The following SLC23A2 variants were observed in gnomAD, a reference collection of about 807,000 sequenced individuals.
SLC23A2 encodes Na(+)/L-ascorbic acid transporter 2.
A neutral mutation model predicts 73.3 loss-of-function variants in SLC23A2; 36 were observed. The ratio of observed to expected loss-of-function variants is 0.49; its 90% CI spans 0.38 to 0.65. The LOEUF (loss-of-function observed/expected upper bound fraction) is 0.65, where lower values mean the gene tolerates loss of function less well. SLC23A2 is among the 30% of genes least tolerant of loss of function. The pLI is 0.00. For synonymous variants in SLC23A2, 343 were observed against 327.3 expected (o/e 1.05, Z -0.52); for missense variants, 507 against 841.6 (o/e 0.60, Z 4.92).
chr20:4,999,620 T>C (rs1256276289), intron 1 of SLC23A2, among the ~76,000 whole-genome samples: 1 of 151,816 alleles, frequency 6.6e-6, no homozygotes, highest in East Asian at 1.9e-4. Context: ...CTTGAACTCT[T>C]GGCCTCAAAC....
Position 4,991,794 on chromosome 20 carries a change from A to G in SLC23A2, c.-282+9612T>C, listed in dbSNP as rs140078548. ...TAATCTATAGACCACATATTAGGAAAAATCTAGAGACACTGACTTTTTCTG... is the reference window on the plus strand; with the variant it reads ...TAATCTATAGACCACATATTAGGAAGAATCTAGAGACACTGACTTTTTCTG... On this transcript the variant is annotated intron_variant, in intron 1 of 16. Transcript: ENST00000338244. Among the ~76,000 whole-genome samples, 337 of 152,132 alleles carry G rather than the reference A, an allele frequency of 2.2e-3. 1 individual carries two copies. Among genetic ancestry groups the G allele is most frequent in the African/African-American group, 7.9e-3 (326 of 41,512 alleles).
intron 2 of SLC23A2, among the ~76,000 whole-genome samples, chr20:4,953,739 A>C (rs928274024): frequency 1.3e-5 from 2 of 152,096 alleles, no homozygotes; most frequent in Non-Finnish European, 2.9e-5. Context: ...AAATACAAAA[A>C]TTAGCTGAGT....
At chr20:4,951,051 AT>A (rs1007802794) in intron 2 of SLC23A2, among the ~76,000 whole-genome samples, 1 of 152,188 alleles carries the variant, frequency 6.6e-6, no homozygotes, top group African/African-American at 2.4e-5. Context: ...CACATGACAC[AT>A]CCAACCCATC....
intron 9 of SLC23A2, among the ~76,000 whole-genome samples, chr20:4,882,833 TGAAAA>T (rs1402916606): frequency 1.3e-5 from 2 of 152,148 alleles, no homozygotes; most frequent in Admixed American, 6.5e-5. Context: ...ACAGAGCAAA[TGAAAA>T]ATTCTCTTAT....
chr20:5,003,075 G>T (rs1034702637), upstream of SLC23A2, among the ~76,000 whole-genome samples: 1 of 152,180 alleles, frequency 6.6e-6, no homozygotes, highest in Non-Finnish European at 1.5e-5. Context: ...CCCCGTTGAA[G>T]ATGGAGAAAA....
intron 5 of SLC23A2, among the ~76,000 whole-genome samples, chr20:4,901,131 C>A (rs1931729045): frequency 6.6e-6 from 1 of 152,128 alleles, no homozygotes; most frequent in South Asian, 2.1e-4. Flanking sequence ...ATGCTCAGCC[C>A]AAGGTAGACT....
At chr20:4,890,932 G>T (rs1174779341) in intron 6 of SLC23A2, among the ~76,000 whole-genome samples, 4 of 152,204 alleles carry the variant, frequency 2.6e-5, no homozygotes, top group African/African-American at 4.8e-5. Flanking sequence ...TCTAACAAGT[G>T]TTTTCAGGGA....
intron 2 of SLC23A2, among the ~76,000 whole-genome samples, chr20:4,938,030 CT>C (rs372042944): frequency 0.079 from 10,910 of 138,134 alleles, 511 homozygotes; most frequent in African/African-American, 0.17. Flanking sequence ...CTCATTCCAT[CT>C]TTTTTTTTTT....
chr20:5,004,088 C>G (rs1300308216), upstream of SLC23A2, among the ~76,000 whole-genome samples: 1 of 152,050 alleles, frequency 6.6e-6, no homozygotes, highest in Non-Finnish European at 1.5e-5. Context: ...GCCATCTCCT[C>G]GTGGTTCCCA....
In SLC23A2 at chr20:4,857,283, T is replaced by TACACACACACAC. The variant is rs398035250; in HGVS notation, c.1721-91_1721-80dup. 85 of 421,160 alleles carry TACACACACACAC rather than the reference T, an allele frequency of 2.0e-4. No individual in the cohort carries two copies. Among genetic ancestry groups the TACACACACACAC allele is most frequent in the Admixed American group, 5.6e-4 (14 of 24,810 alleles). The allele number at this position is 421,160 out of a possible 1,614,324, so 26.1% of individuals were successfully genotyped here. ...GAAAATGAAACTGTCGTCAAACACA[T>TACACACACACAC]ACACACACACACACACACACACACA... On this transcript the variant is annotated intron_variant, in intron 16 of 16. Transcript: ENST00000338244. This position sits in a 1 kb window ranked among gnomAD's most constrained non-coding sequence, Gnocchi z 4.0.
At chr20:5,009,797 A>T (rs539789265) in intron 1 of SLC23A2, among the ~76,000 whole-genome samples, 82 of 152,264 alleles carry the variant, frequency 5.4e-4, no homozygotes, top group Non-Finnish European at 9.1e-4. Flanking sequence ...ATATAGAGGG[A>T]TATATAAAAG....
intron 6 of SLC23A2, among the ~76,000 whole-genome samples, chr20:4,896,980 A>G (rs1931551860): frequency 6.6e-6 from 1 of 152,182 alleles, no homozygotes; most frequent in African/African-American, 2.4e-5. Context: ...TGGAGCCTGC[A>G]GGGCCTGTCT....
Position 4,899,668 on chromosome 20 carries a change from C to A in SLC23A2, c.369G>T (p.Leu123=). 3.7e-6 allele frequency: 6 copies of A among 1,614,152 alleles called. No homozygotes were observed. The highest frequency in any genetic ancestry group is 5.1e-6 in the Non-Finnish European group (6 of 1,180,026). The part of the protein sequence containing the change: ...CFSGTIAVPF[L]LADAMCVGYD... Reference sequence around the variant, plus strand: ...ACCCCACACACATGGCATCGGCCAACAGGAAGGGCACTGCGATCGTGCCGC... The same window carrying A: ...ACCCCACACACATGGCATCGGCCAAAAGGAAGGGCACTGCGATCGTGCCGC... Residue 123 remains leucine (L), a synonymous_variant, in exon 6 of 17, where the codon CTG becomes CTT. Coordinates refer to ENST00000338244, the MANE Select transcript of SLC23A2 (RefSeq NM_005116.6). This position sits in a 1 kb window ranked among gnomAD's most constrained non-coding sequence, Gnocchi z 4.9.
intron 2 of SLC23A2, among the ~76,000 whole-genome samples, chr20:4,934,233 T>A (rs1382774683): frequency 6.6e-6 from 1 of 152,184 alleles, no homozygotes; most frequent in East Asian, 1.9e-4. Context: ...AATTTTGCCC[T>A]GCAGGGGACA....
At chr20:4,897,529 T>G (rs1377926749) in intron 6 of SLC23A2, among the ~76,000 whole-genome samples, 2 of 152,220 alleles carry the variant, frequency 1.3e-5, no homozygotes, top group African/African-American at 4.8e-5. Context: ...CTCTGCATTT[T>G]GGGTCCCTGA....
chr20:4,963,241 T>C (rs924326457), intron 2 of SLC23A2, among the ~76,000 whole-genome samples: 1 of 152,188 alleles, frequency 6.6e-6, no homozygotes, highest in African/African-American at 2.4e-5. Flanking sequence ...TCCTTCGTTA[T>C]CCAAAGTTAT....
chr20:4,896,105 G>C (rs554207173), intron 6 of SLC23A2, among the ~76,000 whole-genome samples: 25 of 151,990 alleles, frequency 1.6e-4, no homozygotes, highest in Non-Finnish European at 8.8e-5. Flanking sequence ...GGAGAGACGT[G>C]GGGGGGATGA....
chr20:4,987,432 G>A (rs904697099), intron 1 of SLC23A2, among the ~76,000 whole-genome samples: 1 of 152,066 alleles, frequency 6.6e-6, no homozygotes, highest in Non-Finnish European at 1.5e-5. Context: ...GAAATCTGAG[G>A]TCATCTTCAA....
At chr20:4,859,437 G>T in intron 15 of SLC23A2, 53 bp from the exon 16 acceptor site, 2 of 1,211,812 alleles carry the variant, frequency 1.7e-6, no homozygotes, top group Non-Finnish European at 2.5e-6. Flanking sequence ...CGGTGAGCCT[G>T]CCCTTGACTT....
Sources: allele counts gnomAD v4.1 joint callset (sites outside exome capture counted in the v4.1 genomes callset), GRCh38; gene constraint gnomAD v4.1.1; non-coding constraint Gnocchi (gnomAD v3.1); transcripts MANE v1.5; gene names NCBI Gene and HGNC (gene_info 2026-07-23, HGNC 2026-07-21).